The following NCAPG2 variants were observed in gnomAD, a reference collection of about 807,000 sequenced individuals.
NCAPG2 encodes the protein condensin-2 complex subunit G2.
Under a neutral mutation model 141.1 loss-of-function variants are expected in NCAPG2, and 53 were observed. The observed-to-expected ratio is 0.38, with a 90% CI of 0.30 to 0.47. The LOEUF (loss-of-function observed/expected upper bound fraction) is 0.47, where lower values mean the gene tolerates loss of function less well. Among genes scored for constraint, NCAPG2 ranks in the 20% least tolerant of loss-of-function variants. The pLI is 0.99. For missense variants in NCAPG2, 1,087 were observed against 1,389.0 expected (o/e 0.78, Z 3.46); for synonymous variants, 499 against 490.7 (o/e 1.02, Z -0.22).
intron 13 of NCAPG2, among the ~76,000 whole-genome samples, chr7:158,671,241 A>G (rs1488008326): frequency 6.6e-6 from 1 of 152,216 alleles, no homozygotes; most frequent in African/African-American, 2.4e-5. Context: ...GTATCCAAAT[A>G]TTACACCAAA....
intron 13 of NCAPG2, among the ~76,000 whole-genome samples, chr7:158,666,765 A>AT (rs1832976791): frequency 1.3e-5 from 2 of 151,750 alleles, no homozygotes; most frequent in African/African-American, 4.9e-5. Flanking sequence ...TGTCTCAAAA[A>AT]AAAATAAATA....
intron 27 of NCAPG2, among the ~76,000 whole-genome samples, chr7:158,643,288 C>A (rs1482661226): frequency 6.6e-6 from 1 of 152,092 alleles, no homozygotes; most frequent in East Asian, 1.9e-4. Context: ...ACCATGTTGG[C>A]CAGGCTGGTC....
intron 21 of NCAPG2, 29 bp from the exon 22 acceptor site, chr7:158,654,723 A>G: frequency 1.3e-6 from 2 of 1,595,930 alleles, no homozygotes; most frequent in Non-Finnish European, 1.7e-6. Context: ...GCTTAGCAAC[A>G]AAGGCCATTT....
intron 6 of NCAPG2, among the ~76,000 whole-genome samples, chr7:158,688,189 C>A (rs61535060): frequency 0.55 from 80,754 of 147,070 alleles, 22,242 homozygotes; most frequent in Non-Finnish European, 0.61. Flanking sequence ...AAAAAAAAAA[C>A]AGTAATATTC....
At chr7:158,702,992 A>G (rs1251045159) in intron 1 of NCAPG2, among the ~76,000 whole-genome samples, 1 of 152,212 alleles carries the variant, frequency 6.6e-6, no homozygotes, top group African/African-American at 2.4e-5. Flanking sequence ...TTCTATGCTT[A>G]GATATGTTTA....
rs576852122 is a variant in NCAPG2, at chr7:158,656,213, C to T, written c.2388+47G>A. 7 of 1,585,152 alleles carry T rather than the reference C, an allele frequency of 4.4e-6. No homozygotes were observed. The East Asian group carries it at 1.1e-4, about 25-fold the overall frequency. On this transcript the variant is annotated intron_variant, in intron 19 of 27. Transcript: ENST00000356309. ...GAAAGCTTCACACTTTGATTTGTCA[C>T]CCCCACAATCATAGGAAACCACTCA...
intron 4 of NCAPG2, among the ~76,000 whole-genome samples, chr7:158,690,991 G>A (rs1281091141): frequency 6.6e-6 from 1 of 152,024 alleles, no homozygotes; most frequent in Non-Finnish European, 1.5e-5. Flanking sequence ...CAGAGAAATC[G>A]TATCACCAAT....
intron 16 of NCAPG2, among the ~76,000 whole-genome samples, chr7:158,658,956 C>G (rs1832246891): frequency 6.7e-6 from 1 of 148,372 alleles, no homozygotes. Flanking sequence ...GGTGAGAGGA[C>G]TGCGTGAGGT....
rs1380576458 is a variant in NCAPG2 at position 158,631,705 on chromosome 7, T to C, written c.3393A>G (p.Glu1131=). ...EEDSIERFLY[E]SSSRTLGELL... The stretch of plus-strand genomic sequence containing the variant: ...GTTCTCCCAGAGTTCTTGATGATGA[T>C]TCATAGAGAAATCTGAAACACAAAT... Residue 1131 remains glutamate, a synonymous_variant, in exon 28 of 28, where the codon GAA becomes GAG. Coordinates refer to ENST00000356309, the MANE Select transcript of NCAPG2 (RefSeq NM_017760.7). 6.3e-7 allele frequency: 1 copy of C among 1,599,072 alleles called. No individual in the cohort carries two copies. Among genetic ancestry groups the C allele is most frequent in the Non-Finnish European group, 8.6e-7 (1 of 1,166,932 alleles).
chr7:158,631,697 G>A lies in NCAPG2; in HGVS notation c.3401C>T (p.Ser1134Leu), dbSNP rs1230318153. The A allele has an allele frequency of 2.5e-6, 4 of 1,601,380 alleles. No individual in the cohort carries two copies. The East Asian group carries it at 8.9e-5, about 36-fold the overall frequency. ...ATTCAAAAGTTCTCCCAGAGTTCTT[G>A]ATGATGATTCATAGAGAAATCTGAA... Reference protein sequence around the residue: ...SIERFLYESSSRTLGELLNS With the variant: ...SIERFLYESSLRTLGELLNS Residue 1134 changes from serine (S) to leucine (L), a missense_variant, in exon 28 of 28, where the codon TCA becomes TTA. Coordinates refer to ENST00000356309, the MANE Select transcript of NCAPG2 (RefSeq NM_017760.7).
intron 19 of NCAPG2, 28 bp downstream of exon 19, chr7:158,656,231 AC>A: frequency 1.9e-6 from 3 of 1,607,340 alleles, no homozygotes; most frequent in Non-Finnish European, 2.5e-6. Flanking sequence ...ATCATAGGAA[AC>A]CACTCAACTC....
intron 4 of NCAPG2, among the ~76,000 whole-genome samples, chr7:158,692,256 G>T (rs1835163518): frequency 6.6e-6 from 1 of 152,118 alleles, no homozygotes; most frequent in Non-Finnish European, 1.5e-5. Flanking sequence ...ACAGTGAGCT[G>T]GGTTCATGTC....
chr7:158,634,341 A>G (rs1356370609), intron 27 of NCAPG2, among the ~76,000 whole-genome samples: 2 of 152,164 alleles, frequency 1.3e-5, no homozygotes, highest in African/African-American at 4.8e-5. Context: ...TCTATATACT[A>G]TATCGTCTAT....
At chr7:158,646,595 C>A in intron 24 of NCAPG2, 32 bp from the exon 25 acceptor site, 1 of 1,443,066 alleles carries the variant, frequency 6.9e-7, no homozygotes, top group Non-Finnish European at 9.4e-7. Context: ...AAGTTGTAAA[C>A]AGAGACTAGG....
At chr7:158,692,759 G>A in intron 4 of NCAPG2, 83 bp downstream of exon 4, 1 of 936,260 alleles carries the variant, frequency 1.1e-6, no homozygotes, top group Non-Finnish European at 1.7e-6. Flanking sequence ...ATAAATAAAT[G>A]AATGAATAAA....
At chr7:158,687,731 TAAACATCTCA>T (rs1403085036) in intron 6 of NCAPG2, among the ~76,000 whole-genome samples, 5 of 152,302 alleles carry the variant, frequency 3.3e-5, no homozygotes, top group Non-Finnish European at 5.9e-5. Flanking sequence ...CATGGGTCCA[TAAACATCTCA>T]TTCTGGCTCT....
chr7:158,693,996 G>A (rs1051918280), intron 2 of NCAPG2, among the ~76,000 whole-genome samples: 3 of 152,092 alleles, frequency 2.0e-5, no homozygotes, highest in Non-Finnish European at 4.4e-5. Context: ...AGCAAATAGC[G>A]GCCCTCATCA....
In NCAPG2 at chr7:158,679,945, A is replaced by T; in HGVS notation, c.1146+15T>A. ...GCTGATATCTGTAAGAAGCTTGACCACCTGAAGTACGTACATAGAGCTCTT... is the reference window on the plus strand; with the variant it reads ...GCTGATATCTGTAAGAAGCTTGACCTCCTGAAGTACGTACATAGAGCTCTT... On this transcript the variant is annotated intron_variant, in intron 11 of 27. Coordinates refer to ENST00000356309, the MANE Select transcript of NCAPG2 (RefSeq NM_017760.7). 6.2e-7 allele frequency: 1 copy of T among 1,612,642 alleles called. No individual in the cohort carries two copies. The highest frequency in any genetic ancestry group is 8.5e-7 in the Non-Finnish European group (1 of 1,179,310).
intron 27 of NCAPG2, among the ~76,000 whole-genome samples, chr7:158,632,862 T>C (rs1055534191): frequency 6.6e-6 from 1 of 152,236 alleles, no homozygotes; most frequent in Non-Finnish European, 1.5e-5. Flanking sequence ...TATAAAATTA[T>C]TTATGACATA....
Sources: allele counts gnomAD v4.1 joint callset (sites outside exome capture counted in the v4.1 genomes callset), GRCh38; gene constraint gnomAD v4.1.1; transcripts MANE v1.5; gene names NCBI Gene and HGNC (gene_info 2026-07-23, HGNC 2026-07-21).